The following CLMN variants were observed in gnomAD, a reference collection of about 807,000 sequenced individuals.
The protein encoded by CLMN is calmin (calponin-like, transmembrane).
CLMN carries 57 observed loss-of-function variants against 92.7 expected under a neutral mutation model. That is an observed-to-expected ratio of 0.61 (90% CI 0.50 to 0.77). The LOEUF (loss-of-function observed/expected upper bound fraction) is 0.77, where lower values mean the gene tolerates loss of function less well. Ranked by LOEUF, CLMN falls within the 30% of genes least tolerant of loss-of-function variation. The probability of loss-of-function intolerance (pLI) is 0.00; values close to 1 mark genes in which losing one functional copy is unlikely to be tolerated. For missense variants in CLMN, 1,158 were observed against 1,237.5 expected (o/e 0.94, Z 0.96); for synonymous variants, 466 against 470.6 (o/e 0.99, Z 0.13).
rs1403944375 is a variant in CLMN at position 95,191,949 on chromosome 14, G to A, written c.2841-217C>T. ...CCCCTCGAGCTTTTGCACGTACTCCGTTCATCTCCATAACATCAGGTGAGA... is the reference window on the plus strand; with the variant it reads ...CCCCTCGAGCTTTTGCACGTACTCCATTCATCTCCATAACATCAGGTGAGA... On this transcript the variant is annotated intron_variant, in intron 12 of 12. Transcript: ENST00000298912. This position sits in a 1 kb window ranked among gnomAD's most constrained non-coding sequence, Gnocchi z 5.3. The A allele has an allele frequency of 2.2e-5, 10 of 456,634 alleles. No individual in the cohort carries two copies. Among genetic ancestry groups the A allele is most frequent in the South Asian group, 1.1e-4 (3 of 26,096 alleles). 28.3% of individuals were successfully genotyped at this position (456,634 alleles called of 1,614,324 possible). A position where few individuals can be genotyped will look rare whatever the true frequency, so the allele number is the denominator to read the frequency against.
intron 1 of CLMN, among the ~76,000 whole-genome samples, chr14:95,288,301 G>A (rs1202839089): frequency 6.6e-6 from 1 of 152,208 alleles, no homozygotes; most frequent in African/African-American, 2.4e-5. Context: ...CCCTGGGAGG[G>A]CACCTAATGA....
chr14:95,258,078 T>C (rs1899076335), intron 1 of CLMN, among the ~76,000 whole-genome samples: 1 of 151,156 alleles, frequency 6.6e-6, no homozygotes, highest in Admixed American at 6.6e-5. Flanking sequence ...GTGTGTGTGC[T>C]TGTGTGGGGT....
At chr14:95,272,594 T>G (rs1363270447) in intron 1 of CLMN, among the ~76,000 whole-genome samples, 2 of 152,220 alleles carry the variant, frequency 1.3e-5, no homozygotes, top group Non-Finnish European at 2.9e-5. Flanking sequence ...TAGATTCACA[T>G]TTAGTACGAC....
At chr14:95,250,507 G>C (rs1898739261) in intron 1 of CLMN, among the ~76,000 whole-genome samples, 1 of 152,214 alleles carries the variant, frequency 6.6e-6, no homozygotes, top group South Asian at 2.1e-4. Flanking sequence ...TTCAAGATAA[G>C]ATGGCTCGGC....
intron 1 of CLMN, among the ~76,000 whole-genome samples, chr14:95,275,838 T>A (rs1566908983): frequency 6.6e-6 from 1 of 151,820 alleles, no homozygotes. Flanking sequence ...AATTTTTGTA[T>A]TTTTTGTAGA....
intron 1 of CLMN, among the ~76,000 whole-genome samples, chr14:95,258,762 G>T (rs753628975): frequency 2.0e-5 from 3 of 149,056 alleles, no homozygotes; most frequent in Non-Finnish European, 3.0e-5. Context: ...GTATGTGTAT[G>T]TATCTGTGGT....
chr14:95,215,661 T>C lies in CLMN; in HGVS notation c.397A>G (p.Asn133Asp). Residue 133 changes from asparagine to aspartate, a missense_variant, in exon 5 of 13, where the codon AAC (asparagine) becomes GAC (aspartate). Coordinates refer to ENST00000298912, the MANE Select transcript of CLMN (RefSeq NM_024734.4). ...NPSLVLGLIWNIILFFQIKEL... is the reference protein window; with the variant it reads ...NPSLVLGLIWDIILFFQIKEL... Reference sequence around the variant, plus strand: ...CTTACCTGGAAGAAGAGGATTATGTTCCATATCAGCCCAAGAACCAAAGAA... The same window carrying C: ...CTTACCTGGAAGAAGAGGATTATGTCCCATATCAGCCCAAGAACCAAAGAA... 6.2e-7 allele frequency: 1 copy of C among 1,614,068 alleles called. No individual in the cohort carries two copies. The highest frequency in any genetic ancestry group is 8.5e-7 in the Non-Finnish European group (1 of 1,179,898).
At chr14:95,291,823 G>T (rs1198541864) in intron 1 of CLMN, among the ~76,000 whole-genome samples, 1 of 152,164 alleles carries the variant, frequency 6.6e-6, no homozygotes, top group African/African-American at 2.4e-5. Flanking sequence ...AGTTAAGTCA[G>T]CCACAGAAAG....
At chr14:95,249,589 TTTTC>T (rs962688863) in intron 1 of CLMN, among the ~76,000 whole-genome samples, 25 of 151,968 alleles carry the variant, frequency 1.6e-4, no homozygotes, top group African/African-American at 4.6e-4. Context: ...ATTTCTTTCC[TTTTC>T]TTTTTCTTTT....
In CLMN at chr14:95,203,349, C is replaced by T. The variant is rs190623772; in HGVS notation, c.2000G>A (p.Arg667His). 35 of 1,614,074 alleles carry T rather than the reference C, an allele frequency of 2.2e-5. 1 individual carries two copies. In the Middle Eastern group the frequency reaches 4.9e-4, roughly 23 times the overall value. The stretch of plus-strand genomic sequence containing the variant: ...TTCTCCCTCTTCCTCATAATGAGGA[C>T]GGGTGGACTTTCTCTTGGCCTTTTC... Reference protein sequence around the residue: ...VHEKAKRKSTRPHYEEEGEDD... With the variant: ...VHEKAKRKSTHPHYEEEGEDD... Residue 667 changes from arginine (R) to histidine (H), a missense_variant, in exon 9 of 13, where the codon CGT (arginine) becomes CAT (histidine). Transcript: ENST00000298912.
At chr14:95,266,502 T>C (rs1188953050) in intron 1 of CLMN, among the ~76,000 whole-genome samples, 1 of 152,064 alleles carries the variant, frequency 6.6e-6, no homozygotes, top group Admixed American at 6.6e-5. Flanking sequence ...AAGTGAAAGA[T>C]GGCTACAAGG....
chr14:95,268,732 A>G (rs1295192633), intron 1 of CLMN, among the ~76,000 whole-genome samples: 1 of 147,534 alleles, frequency 6.8e-6, no homozygotes, highest in Non-Finnish European at 1.5e-5. Flanking sequence ...CACTGTAGCT[A>G]TGAAAGAGGT....
At chr14:95,319,188 C>T (rs1000755600) in intron 1 of CLMN, among the ~76,000 whole-genome samples, 16 of 152,260 alleles carry the variant, frequency 1.1e-4, no homozygotes, top group Admixed American at 3.9e-4. Flanking sequence ...GGGTGCTTGC[C>T]TGACCCCACC....
At chr14:95,290,568 G>A (rs1289597050) in intron 1 of CLMN, among the ~76,000 whole-genome samples, 2 of 152,088 alleles carry the variant, frequency 1.3e-5, no homozygotes, top group African/African-American at 2.4e-5. Flanking sequence ...CAAATATGAG[G>A]GCCCTCTAGA....
chr14:95,301,819 C>CA (rs1338118460), intron 1 of CLMN, among the ~76,000 whole-genome samples: 1 of 152,200 alleles, frequency 6.6e-6, no homozygotes, highest in Non-Finnish European at 1.5e-5. Context: ...CTCCCATCTC[C>CA]AAAAAATTCC....
intron 1 of CLMN, among the ~76,000 whole-genome samples, chr14:95,269,587 G>A (rs1451055553): frequency 6.6e-6 from 1 of 152,294 alleles, no homozygotes; most frequent in East Asian, 1.9e-4. Flanking sequence ...ATGGACTCCT[G>A]CTTGACAGTA....
At chr14:95,280,454 G>C (rs965104043) in intron 1 of CLMN, among the ~76,000 whole-genome samples, 1 of 152,174 alleles carries the variant, frequency 6.6e-6, no homozygotes, top group Non-Finnish European at 1.5e-5. Flanking sequence ...AGACTGTTTA[G>C]AAAGCTAAGT....
chr14:95,290,322 T>A (rs1900515583), intron 1 of CLMN, among the ~76,000 whole-genome samples: 1 of 152,272 alleles, frequency 6.6e-6, no homozygotes. Flanking sequence ...GGAGTCTGTG[T>A]GTTGCCTTTA....
intron 1 of CLMN, among the ~76,000 whole-genome samples, chr14:95,237,754 GA>G (rs1898105519): frequency 6.6e-6 from 1 of 152,164 alleles, no homozygotes; most frequent in African/African-American, 2.4e-5. Context: ...CCCTGGTCTA[GA>G]AATCTCTTGC....
Sources: allele counts gnomAD v4.1 joint callset (sites outside exome capture counted in the v4.1 genomes callset), GRCh38; gene constraint gnomAD v4.1.1; non-coding constraint Gnocchi (gnomAD v3.1); transcripts MANE v1.5; gene names NCBI Gene and HGNC (gene_info 2026-07-23, HGNC 2026-07-21).